MARCHF5: variants seen among roughly 807,000 people sequenced by gnomAD.
MARCHF5 encodes membrane associated ring-CH-type finger 5.
MARCHF5 carries 5 observed loss-of-function variants against 36.5 expected under a neutral mutation model. The ratio of observed to expected loss-of-function variants is 0.14; its 90% CI spans 0.07 to 0.29. MARCHF5 has a LOEUF of 0.29. Among genes scored for constraint, MARCHF5 ranks in the 10% least tolerant of loss-of-function variants. The pLI is 1.00. For missense variants in MARCHF5, 179 were observed against 336.3 expected, an observed-to-expected ratio of 0.53 and a Z score of 3.66; for synonymous variants, 103 against 109.9, an observed-to-expected ratio of 0.94 and a Z score of 0.39.
intron 1 of MARCHF5, among the ~76,000 whole-genome samples, chr10:92,304,865 A>G (rs892257780): frequency 1.3e-5 from 2 of 152,076 alleles, no homozygotes; most frequent in African/African-American, 2.4e-5. Flanking sequence ...TGTGAAAGAG[A>G]TTCTATCATT....
At chr10:92,343,791 A>G (rs974966793) in intron 3 of MARCHF5, among the ~76,000 whole-genome samples, 2 of 151,926 alleles carry the variant, frequency 1.3e-5, no homozygotes, top group African/African-American at 4.8e-5. Context: ...CTGGTCTGGA[A>G]CTCCTGACCT....
chr10:92,313,899 A>G (rs1311488738), intron 2 of MARCHF5, among the ~76,000 whole-genome samples: 2 of 152,066 alleles, frequency 1.3e-5, no homozygotes, highest in African/African-American at 2.4e-5. Context: ...TCTGAACAAC[A>G]AAAAAGAATT....
rs117037297 is a variant in MARCHF5 at position 92,316,831 on chromosome 10, A to C, written c.238+5494A>C. ...CCAAACCCCGTTGGCCTTCCAAAGT[A>C]CTGAGAATGTAGGCAAGAACCACCA... On this transcript the variant is annotated intron_variant, in intron 2 of 5. Transcript: ENST00000358935. Among the ~76,000 whole-genome samples, 109 of 152,078 alleles carry C rather than the reference A, an allele frequency of 7.2e-4. 1 individual carries two copies. The highest frequency in any genetic ancestry group is 1.3e-3 in the Non-Finnish European group (90 of 68,000).
Position 92,353,580 on chromosome 10 carries a change from A to T in MARCHF5, c.*2373A>T, listed in dbSNP as rs1419195743. On this transcript the variant is annotated 3_prime_UTR_variant, in exon 6 of 6. Transcript: ENST00000358935. Reference sequence around the variant, plus strand: ...TTTGCACTCTAGGAAAAGTAAATGGAGAGGTAAAAGAAAGGCATTGGGGAC... The same window carrying T: ...TTTGCACTCTAGGAAAAGTAAATGGTGAGGTAAAAGAAAGGCATTGGGGAC... 2 of 152,398 alleles carry T rather than the reference A, an allele frequency of 1.3e-5. No homozygotes were observed. The highest frequency in any genetic ancestry group is 3.8e-4 in the East Asian group (2 of 5,200). 9.4% of individuals were successfully genotyped at this position (152,398 alleles called of 1,614,324 possible). A position where few individuals can be genotyped will look rare whatever the true frequency, so the allele number is the denominator to read the frequency against.
intron 2 of MARCHF5, among the ~76,000 whole-genome samples, chr10:92,328,566 A>G (rs578233848): frequency 5.3e-5 from 8 of 151,428 alleles, no homozygotes; most frequent in Non-Finnish European, 8.8e-5. Context: ...GTTATTCTTG[A>G]AAAGTCTTGG....
At chr10:92,339,146 G>A (rs920963817) in intron 2 of MARCHF5, among the ~76,000 whole-genome samples, 2 of 150,984 alleles carry the variant, frequency 1.3e-5, no homozygotes, top group African/African-American at 5.0e-5. Flanking sequence ...GAGGTGGGTG[G>A]ATCACCTGAG....
chr10:92,350,883 G>A (rs945207387), intron 5 of MARCHF5, among the ~76,000 whole-genome samples: 6 of 152,144 alleles, frequency 3.9e-5, no homozygotes, highest in African/African-American at 1.4e-4. Context: ...GAAGGCATCT[G>A]TGTCCCCTGT....
Position 92,340,822 on chromosome 10 carries a change from A to AT in MARCHF5, c.369+20dup. The AT allele has an allele frequency of 6.4e-7, 1 of 1,572,746 alleles. No individual in the cohort carries two copies. The highest frequency in any genetic ancestry group is 1.2e-5 in the South Asian group (1 of 83,630). ...GATGCAGGTTCACTATTTTACCTAT[A>AT]TAGTGATATTACTTGGTGTGAAGAT... is the stretch of plus-strand genomic sequence containing the variant. On this transcript the variant is annotated intron_variant, in intron 3 of 5. Coordinates refer to ENST00000358935, the MANE Select transcript of MARCHF5 (RefSeq NM_017824.5).
intron 1 of MARCHF5, among the ~76,000 whole-genome samples, chr10:92,293,711 G>T (rs1197710601): frequency 6.6e-6 from 1 of 151,962 alleles, no homozygotes; most frequent in African/African-American, 2.4e-5. Flanking sequence ...GAACCTGGGA[G>T]ACGGAGGTTG....
intron 1 of MARCHF5, 30 bp downstream of exon 1, chr10:92,291,559 C>A: frequency 6.6e-7 from 1 of 1,523,588 alleles, no homozygotes; most frequent in Non-Finnish European, 8.8e-7. Flanking sequence ...GGACCGGGAG[C>A]CGCCGACCCT....
chr10:92,323,320 C>T (rs1431834830), intron 2 of MARCHF5, among the ~76,000 whole-genome samples: 1 of 152,150 alleles, frequency 6.6e-6, no homozygotes, highest in African/African-American at 2.4e-5. Flanking sequence ...TGACTACTTT[C>T]CCCACTATCA....
chr10:92,328,987 C>T (rs943444504), intron 2 of MARCHF5, among the ~76,000 whole-genome samples: 1 of 151,978 alleles, frequency 6.6e-6, no homozygotes, highest in Non-Finnish European at 1.5e-5. Flanking sequence ...TTCATTTCCA[C>T]CTAGTTTTAG....
intron 2 of MARCHF5, among the ~76,000 whole-genome samples, chr10:92,313,638 A>G (rs1350026417): frequency 6.6e-6 from 1 of 151,900 alleles, no homozygotes; most frequent in Non-Finnish European, 1.5e-5. Flanking sequence ...ACAGTGGCTC[A>G]CACCTGTAAT....
intron 3 of MARCHF5, among the ~76,000 whole-genome samples, chr10:92,346,492 CTTTTTTT>C (rs763991703): frequency 2.3e-5 from 2 of 88,300 alleles, no homozygotes; most frequent in African/African-American, 8.3e-5. Flanking sequence ...CTATTTCCTT[CTTTTTTT>C]TTTTTTTTTT....
intron 2 of MARCHF5, among the ~76,000 whole-genome samples, chr10:92,325,844 A>AT (rs1230072798): frequency 1.1e-4 from 17 of 151,908 alleles, no homozygotes; most frequent in Non-Finnish European, 1.8e-4. Flanking sequence ...CACCTGGCTA[A>AT]TTTTTTGTAT....
chr10:92,349,244 T>C, intron 3 of MARCHF5, 105 bp from the exon 4 acceptor site: 1 of 817,962 alleles, frequency 1.2e-6, no homozygotes, highest in Non-Finnish European at 1.9e-6. Flanking sequence ...TTTATTTCTG[T>C]GTATTCTTTT....
chr10:92,336,479 C>T (rs980261427), intron 2 of MARCHF5, among the ~76,000 whole-genome samples: 1 of 152,068 alleles, frequency 6.6e-6, no homozygotes, highest in African/African-American at 2.4e-5. Flanking sequence ...GCATACAGGC[C>T]CTAGTTTCCC....
chr10:92,327,598 G>A (rs1183314529), intron 2 of MARCHF5, among the ~76,000 whole-genome samples: 2 of 152,120 alleles, frequency 1.3e-5, no homozygotes, highest in Admixed American at 1.3e-4. Context: ...ATTGGCTTTT[G>A]TAGAGATTAC....
intron 2 of MARCHF5, among the ~76,000 whole-genome samples, chr10:92,331,900 C>CATATATATGTATATATAATA (rs1843440134): frequency 6.9e-6 from 1 of 144,036 alleles, no homozygotes; most frequent in Non-Finnish European, 1.5e-5. Context: ...TATATATAAT[C>CATATATATGTATATATAATA]ATATATATGT....
Sources: gnomAD v4.1 joint callset for allele counts (sites outside exome capture counted in the v4.1 genomes callset) on GRCh38, gnomAD v4.1.1 for gene constraint, MANE v1.5 for transcripts, NCBI Gene and HGNC (gene_info 2026-07-23, HGNC 2026-07-21) for gene names.